GRID1: variants seen among roughly 807,000 people sequenced by gnomAD.
GRID1 encodes glutamate ionotropic receptor delta type subunit 1, also known as glutamate receptor ionotropic, delta-1.
A neutral mutation model predicts 98.0 loss-of-function variants in GRID1; 28 were observed. The observed-to-expected ratio is 0.29, with a 90% CI of 0.21 to 0.39. GRID1 has a LOEUF of 0.39. GRID1 is among the 10% of genes least tolerant of loss of function. The probability of loss-of-function intolerance (pLI) is 1.00; values close to 1 mark genes in which losing one functional copy is unlikely to be tolerated. For synonymous variants in GRID1, 553 were observed against 538.5 expected (o/e 1.03, Z -0.37); for missense variants, 1,111 against 1,340.5 (o/e 0.83, Z 2.67).
At chr10:85,663,123 T>C (rs568806993) in intron 12 of GRID1, among the ~76,000 whole-genome samples, 1 of 152,300 alleles carries the variant, frequency 6.6e-6, no homozygotes, top group African/African-American at 2.4e-5. Flanking sequence ...TGGGTTGGAA[T>C]GCATCCCCCC....
chr10:85,982,177 A>C (rs565508540), intron 4 of GRID1, among the ~76,000 whole-genome samples: 2 of 145,124 alleles, frequency 1.4e-5, no homozygotes, highest in African/African-American at 5.2e-5. Flanking sequence ...GAAAGTGATG[A>C]AAAGGGCTCT....
chr10:85,867,608 A>G (rs1843234227), intron 6 of GRID1, among the ~76,000 whole-genome samples: 1 of 152,260 alleles, frequency 6.6e-6, no homozygotes, highest in Non-Finnish European at 1.5e-5. Flanking sequence ...CAGACTCCAC[A>G]TACAGGAAGG....
rs1220086191 is a variant in GRID1 at position 86,357,525 on chromosome 10, C to T, written c.235+6416G>A. Reference sequence around the variant, plus strand: ...CCAAAATTTGAGGAAGTGGGTGGTGCTGGAGTGTAGTCTATAAAATGAGAA... The same window carrying T: ...CCAAAATTTGAGGAAGTGGGTGGTGTTGGAGTGTAGTCTATAAAATGAGAA... On this transcript the variant is annotated intron_variant, in intron 2 of 15. Transcript: ENST00000327946. Among the ~76,000 whole-genome samples, 3 of 152,206 alleles carry T rather than the reference C, an allele frequency of 2.0e-5. No individual in the cohort carries two copies. In the East Asian group the frequency reaches 5.8e-4, roughly 29 times the overall value.
At chr10:86,307,203 C>T (rs1847770072) in intron 2 of GRID1, among the ~76,000 whole-genome samples, 1 of 152,032 alleles carries the variant, frequency 6.6e-6, no homozygotes, top group Non-Finnish European at 1.5e-5. Flanking sequence ...GGACATGTAC[C>T]CAAAGGAATT....
intron 4 of GRID1, among the ~76,000 whole-genome samples, chr10:85,940,621 C>A (rs951030313): frequency 6.6e-6 from 1 of 152,290 alleles, no homozygotes; most frequent in South Asian, 2.1e-4. Context: ...TTCTCCCAAC[C>A]AAAACCCAGT....
At chr10:85,661,474 G>A (rs1341556340) in intron 12 of GRID1, among the ~76,000 whole-genome samples, 1 of 152,142 alleles carries the variant, frequency 6.6e-6, no homozygotes, top group Non-Finnish European at 1.5e-5. Flanking sequence ...AGTGTCTGTT[G>A]AGACTCAGAG....
chr10:85,935,173 C>G (rs1420702028), intron 4 of GRID1, among the ~76,000 whole-genome samples: 1 of 152,184 alleles, frequency 6.6e-6, no homozygotes, highest in East Asian at 1.9e-4. Flanking sequence ...AAAGATGAGA[C>G]AGCAGATGCT....
At chr10:85,859,390 TGGATGGATGGATGGATGGATGGAC>T (rs1414504064) in intron 6 of GRID1, among the ~76,000 whole-genome samples, 3 of 151,170 alleles carry the variant, frequency 2.0e-5, no homozygotes, top group Non-Finnish European at 3.0e-5. Flanking sequence ...GATGAAGTGA[TGGATGGATGGATGGATGGATGGAC>T]GGATGGATGG....
chr10:85,950,219 T>A (rs1842102856), intron 4 of GRID1, among the ~76,000 whole-genome samples: 1 of 152,196 alleles, frequency 6.6e-6, no homozygotes, highest in South Asian at 2.1e-4. Flanking sequence ...TGAAGAGCCA[T>A]TAAGCCCAGA....
chr10:85,645,589 C>G (rs879613692), intron 13 of GRID1: 1 of 152,198 alleles, frequency 6.6e-6, no homozygotes, highest in Non-Finnish European at 1.5e-5. Context: ...AAGGAGACCA[C>G]CAAATGGAAA....
At chr10:86,030,455 A>G (rs1843171123) in intron 4 of GRID1, among the ~76,000 whole-genome samples, 2 of 152,232 alleles carry the variant, frequency 1.3e-5, no homozygotes, top group Non-Finnish European at 2.9e-5. Context: ...CATCTGGTGG[A>G]GGCAAAACAG....
intron 5 of GRID1, among the ~76,000 whole-genome samples, chr10:85,902,811 G>A (rs900734968): frequency 3.9e-5 from 6 of 152,042 alleles, no homozygotes; most frequent in Non-Finnish European, 5.9e-5. Flanking sequence ...CCCCTTCTAG[G>A]TCACGCACCC....
chr10:86,089,769 G>A lies in GRID1; in HGVS notation c.726+49050C>T, dbSNP rs181034334. ...AAAAAATTTTTTTTTTTTTTGAGAC[G>A]GAGTCTCATTCTTGTCACCCAGGCT... On this transcript the variant is annotated intron_variant, in intron 4 of 15. Coordinates refer to ENST00000327946, the MANE Select transcript of GRID1 (RefSeq NM_017551.3). Among the ~76,000 whole-genome samples, 29 of 150,506 alleles carry A rather than the reference G, an allele frequency of 1.9e-4. No individual in the cohort carries two copies. The East Asian group carries it at 4.7e-3, about 24-fold the overall frequency.
chr10:85,762,898 G>A (rs1235500014), intron 8 of GRID1, among the ~76,000 whole-genome samples: 1 of 152,190 alleles, frequency 6.6e-6, no homozygotes, highest in Non-Finnish European at 1.5e-5. Context: ...AGGCCCCTGA[G>A]TAGCCTCAGG....
intron 2 of GRID1, among the ~76,000 whole-genome samples, chr10:86,336,290 G>T (rs10887578): frequency 1.7e-4 from 26 of 152,196 alleles, no homozygotes; most frequent in Admixed American, 9.8e-4. Flanking sequence ...AGAGGCTAAA[G>T]GCTGATCACT....
chr10:86,293,229 A>T (rs758410287), intron 2 of GRID1, among the ~76,000 whole-genome samples: 1 of 152,118 alleles, frequency 6.6e-6, no homozygotes, highest in Admixed American at 6.5e-5. Context: ...CCTGTGGCCC[A>T]TGCAGGGCTG....
chr10:85,781,738 T>C (rs553619597), intron 8 of GRID1, among the ~76,000 whole-genome samples: 19 of 151,774 alleles, frequency 1.3e-4, no homozygotes, highest in Admixed American at 1.2e-3. Flanking sequence ...CAGTGTTATA[T>C]AAGCCTGTGA....
intron 2 of GRID1, among the ~76,000 whole-genome samples, chr10:86,352,098 A>C (rs1302565780): frequency 1.3e-5 from 2 of 152,176 alleles, no homozygotes; most frequent in African/African-American, 4.8e-5. Flanking sequence ...GTCAGGAGTT[A>C]GAGACCAGCC....
chr10:85,683,510 C>A (rs1186165080), intron 12 of GRID1, among the ~76,000 whole-genome samples: 1 of 152,188 alleles, frequency 6.6e-6, no homozygotes, highest in Non-Finnish European at 1.5e-5. Flanking sequence ...CACTGTGGGA[C>A]ATACAAAGGT....
Sources: gnomAD v4.1 joint callset for allele counts (sites outside exome capture counted in the v4.1 genomes callset) on GRCh38, gnomAD v4.1.1 for gene constraint, MANE v1.5 for transcripts, NCBI Gene and HGNC (gene_info 2026-07-23, HGNC 2026-07-21) for gene names.